The following PEX3 variants were observed in gnomAD, a reference collection of about 807,000 sequenced individuals.
PEX3 encodes the protein peroxisomal biogenesis factor 3, also known as peroxin-3.
A neutral mutation model predicts 55.8 loss-of-function variants in PEX3; 30 were observed. The ratio of observed to expected loss-of-function variants is 0.54; its 90% CI spans 0.40 to 0.73. The LOEUF is 0.73. Among genes scored for constraint, PEX3 ranks in the 30% least tolerant of loss-of-function variants. The pLI, the probability that PEX3 is intolerant of heterozygous loss-of-function variation, is 0.00. For synonymous variants in PEX3, 135 were observed against 148.4 expected (o/e 0.91, Z 0.66); for missense variants, 351 against 432.8 (o/e 0.81, Z 1.68).
Position 143,466,588 on chromosome 6 carries a change from T to C in PEX3, c.288-1534T>C, listed in dbSNP as rs553186622. 6.6e-6 allele frequency among the ~76,000 whole-genome samples: 1 copy of C among 152,140 alleles called. No individual in the cohort carries two copies. Among genetic ancestry groups the C allele is most frequent in the African/African-American group, 2.4e-5 (1 of 41,542 alleles). On this transcript the variant is annotated intron_variant, in intron 3 of 11. Coordinates refer to ENST00000367591, the MANE Select transcript of PEX3 (RefSeq NM_003630.3). The surrounding 1 kb of genome is among the most constrained non-coding windows in gnomAD (Gnocchi z 5.4). Reference sequence around the variant, plus strand: ...TATGTATAGGATAAAACATAGTATATGTAGGGGTTGGTACTATCTTCAGTT... The same window carrying C: ...TATGTATAGGATAAAACATAGTATACGTAGGGGTTGGTACTATCTTCAGTT...
At chr6:143,452,275 A>G (rs879788804) in intron 1 of PEX3, among the ~76,000 whole-genome samples, 1 of 152,190 alleles carries the variant, frequency 6.6e-6, no homozygotes, top group Non-Finnish European at 1.5e-5. Flanking sequence ...AGCATATGTA[A>G]ATTTTGAACA....
rs1780316266 is a variant in PEX3 at position 143,485,810 on chromosome 6, C to T, written c.1038+562C>T. 6.6e-6 allele frequency among the ~76,000 whole-genome samples: 1 copy of T among 152,080 alleles called. No homozygotes were observed. Among genetic ancestry groups the T allele is most frequent in the Non-Finnish European group, 1.5e-5 (1 of 67,988 alleles). ...TAATTCAGTAATTCATTGAGTAATT[C>T]AGTAATTCATTGAGTAAGACAAATA... is the stretch of plus-strand genomic sequence containing the variant. On this transcript the variant is annotated intron_variant, in intron 11 of 11. Coordinates refer to ENST00000367591, the MANE Select transcript of PEX3 (RefSeq NM_003630.3). The surrounding 1 kb of genome is among the most constrained non-coding windows in gnomAD (Gnocchi z 5.6).
At chr6:143,470,925 A>C (rs1780064833) in intron 4 of PEX3, 36 bp from the exon 5 acceptor site, 11 of 1,589,610 alleles carry the variant, frequency 6.9e-6, no homozygotes, top group Non-Finnish European at 9.5e-6. Context: ...ATTTGTATTA[A>C]TCACAGTACC....
chr6:143,456,916 G>A (rs897148862), intron 1 of PEX3, among the ~76,000 whole-genome samples: 1 of 152,096 alleles, frequency 6.6e-6, no homozygotes, highest in Non-Finnish European at 1.5e-5. Context: ...CTTCCCCTCA[G>A]ATATAGACCA....
Position 143,471,351 on chromosome 6 carries a change from G to A in PEX3, c.457-32G>A. 2.7e-6 allele frequency: 4 copies of A among 1,461,654 alleles called. No individual in the cohort carries two copies. The highest frequency in any genetic ancestry group is 3.8e-6 in the Non-Finnish European group (4 of 1,043,316). The allele number at this position is 1,461,654 out of a possible 1,614,324, so 90.5% of individuals were successfully genotyped here. On this transcript the variant is annotated intron_variant, in intron 5 of 11. Transcript: ENST00000367591. The surrounding 1 kb of genome is among the most constrained non-coding windows in gnomAD (Gnocchi z 5.4). Reference sequence around the variant, plus strand: ...TTTCTTATTTACCAGTTTAAAACTTGGATAATTGAACTGTATTTCTGTTTT... The same window carrying A: ...TTTCTTATTTACCAGTTTAAAACTTAGATAATTGAACTGTATTTCTGTTTT...
Position 143,482,754 on chromosome 6 carries a change from C to T in PEX3, c.942-2398C>T, listed in dbSNP as rs161060. ...GTGGGCAAAATATATGTTGGTAAGA[C>T]GAATAACAATTAGTCATTTTACAAT... On this transcript the variant is annotated intron_variant, in intron 10 of 11. Transcript: ENST00000367591. This position sits in a 1 kb window ranked among gnomAD's most constrained non-coding sequence, Gnocchi z 5.5. Among the ~76,000 whole-genome samples the T allele has an allele frequency of 0.17, 25,485 of 151,586 alleles. 2,504 individuals carry two copies. The highest frequency in any genetic ancestry group is 0.34 in the East Asian group (1,735 of 5,142).
At position 143,471,476 on chromosome 6, in the gene PEX3, A is replaced by G. The variant is rs565641022; in HGVS notation, c.523+27A>G. On this transcript the variant is annotated intron_variant, in intron 6 of 11. Coordinates refer to ENST00000367591, the MANE Select transcript of PEX3 (RefSeq NM_003630.3). This position sits in a 1 kb window ranked among gnomAD's most constrained non-coding sequence, Gnocchi z 5.4. The stretch of plus-strand genomic sequence containing the variant: ...TAAGATTCTTATTTGTGACTTTTAT[A>G]CTAATTTTAATTCATTTATTTTTAT... 1.3e-6 allele frequency: 2 copies of G among 1,564,620 alleles called. No individual in the cohort carries two copies. Among genetic ancestry groups the G allele is most frequent in the East Asian group, 2.2e-5 (1 of 44,554 alleles).
intron 1 of PEX3, among the ~76,000 whole-genome samples, chr6:143,455,887 A>C (rs1469937767): frequency 6.6e-6 from 1 of 152,222 alleles, no homozygotes; most frequent in South Asian, 2.1e-4. Flanking sequence ...ATTGGGAACA[A>C]TAGGTTATTT....
chr6:143,479,725 T>G lies in PEX3; in HGVS notation c.941+527T>G, dbSNP rs1780205799. On this transcript the variant is annotated intron_variant, in intron 10 of 11. Transcript: ENST00000367591. This position sits in a 1 kb window ranked among gnomAD's most constrained non-coding sequence, Gnocchi z 4.6. ...GTATTAGTGCAATTGTTAGTGATTT[T>G]AATCATAACTATTACTAAATCATGG... 6.6e-6 allele frequency among the ~76,000 whole-genome samples: 1 copy of G among 152,126 alleles called. No individual in the cohort carries two copies. Among genetic ancestry groups the G allele is most frequent in the Non-Finnish European group, 1.5e-5 (1 of 67,952 alleles).
chr6:143,461,652 A>G (rs1441799067), intron 2 of PEX3, among the ~76,000 whole-genome samples: 1 of 151,982 alleles, frequency 6.6e-6, no homozygotes, highest in Admixed American at 6.5e-5. Flanking sequence ...CCCTTTTAGA[A>G]TGTGGTGTTC....
chr6:143,475,707 T>C lies in PEX3; in HGVS notation c.818+851T>C, dbSNP rs1026452401. ...ATCAGTGTTTCCCAGGTATTTGTTCTTTCTTCATTGGCAACTGCCTCCCAG... is the reference window on the plus strand; with the variant it reads ...ATCAGTGTTTCCCAGGTATTTGTTCCTTCTTCATTGGCAACTGCCTCCCAG... On this transcript the variant is annotated intron_variant, in intron 9 of 11. Coordinates refer to ENST00000367591, the MANE Select transcript of PEX3 (RefSeq NM_003630.3). This position sits in a 1 kb window ranked among gnomAD's most constrained non-coding sequence, Gnocchi z 4.4. 6.6e-6 allele frequency among the ~76,000 whole-genome samples: 1 copy of C among 152,200 alleles called. No homozygotes were observed. The highest frequency in any genetic ancestry group is 1.5e-5 in the Non-Finnish European group (1 of 68,028).
At chr6:143,469,361 C>T (rs1489104901) in intron 4 of PEX3, among the ~76,000 whole-genome samples, 3 of 152,084 alleles carry the variant, frequency 2.0e-5, no homozygotes, top group East Asian at 1.9e-4. Flanking sequence ...TTTTAATGAT[C>T]GCCATTCTAA....
intron 8 of PEX3, among the ~76,000 whole-genome samples, chr6:143,473,606 A>G (rs765344273): frequency 6.6e-6 from 1 of 152,122 alleles, no homozygotes; most frequent in African/African-American, 2.4e-5. Flanking sequence ...TCTCTTACTG[A>G]TAAAAGAAAA....
At chr6:143,452,404 A>G (rs900369158) in intron 1 of PEX3, among the ~76,000 whole-genome samples, 2 of 152,226 alleles carry the variant, frequency 1.3e-5, no homozygotes, top group Non-Finnish European at 2.9e-5. Flanking sequence ...AAAGCTAAAA[A>G]TATATGTGTG....
chr6:143,484,983 A>G (rs1780294329), intron 10 of PEX3, 169 bp from the exon 11 acceptor site: 4 of 595,756 alleles, frequency 6.7e-6, no homozygotes, highest in Non-Finnish European at 1.2e-5. Flanking sequence ...ATTGGTCATG[A>G]TGTCAATTAG....
intron 10 of PEX3, among the ~76,000 whole-genome samples, chr6:143,480,951 G>C (rs952353707): frequency 1.6e-4 from 25 of 152,130 alleles, no homozygotes; most frequent in African/African-American, 5.6e-4. Context: ...AGTCAAGGCT[G>C]CAATGAGCTG....
In PEX3 at chr6:143,465,054, C is replaced by T. The variant is rs1779973825; in HGVS notation, c.287+2057C>T. The stretch of plus-strand genomic sequence containing the variant: ...GTTTCAATGGCAAAAACAAAAAAAT[C>T]TTAAACATCCTCCATCATAAGAGAA... On this transcript the variant is annotated intron_variant, in intron 3 of 11. Coordinates refer to ENST00000367591, the MANE Select transcript of PEX3 (RefSeq NM_003630.3). This position sits in a 1 kb window ranked among gnomAD's most constrained non-coding sequence, Gnocchi z 4.7. Among the ~76,000 whole-genome samples, 1 of 151,930 alleles carries T rather than the reference C, an allele frequency of 6.6e-6. No individual in the cohort carries two copies. Among genetic ancestry groups the T allele is most frequent in the African/African-American group, 2.4e-5 (1 of 41,404 alleles).
In PEX3 at chr6:143,470,190, C is replaced by T. The variant is rs140381453; in HGVS notation, c.332-771C>T. ...GTCTCAATCTCTTGACCTTGTGATC[C>T]GCCCGCCTCGGCCTCCCAAAGTGCT... On this transcript the variant is annotated intron_variant, in intron 4 of 11. Transcript: ENST00000367591. 1.3e-3 allele frequency among the ~76,000 whole-genome samples: 195 copies of T among 152,240 alleles called. 1 individual carries two copies. Among genetic ancestry groups the T allele is most frequent in the African/African-American group, 4.4e-3 (184 of 41,544 alleles).
At position 143,479,099 on chromosome 6, in the gene PEX3, A is replaced by G. The variant is rs1780192572; in HGVS notation, c.842A>G (p.Asn281Ser). The G allele has an allele frequency of 6.3e-7, 1 of 1,580,546 alleles. No individual in the cohort carries two copies. Reference protein sequence around the residue: ...LESPDFSTVLNTCLNRGFSRL... With the variant: ...LESPDFSTVLSTCLNRGFSRL... ...AGCCCAGATTTTAGTACAGTTTTGA[A>G]TACCTGTTTAAACCGAGGTTTTAGT... is the stretch of plus-strand genomic sequence containing the variant. The change falls in exon 10 of 12, where the codon AAT (asparagine) becomes AGT (serine). Residue 281 changes from asparagine (N) to serine (S), a missense_variant. Physicochemically the swap from Asn to Ser is conservative, Grantham distance 46. Transcript: ENST00000367591. The surrounding 1 kb of genome is among the most constrained non-coding windows in gnomAD (Gnocchi z 4.6).
Sources: gnomAD v4.1 joint callset for allele counts (sites outside exome capture counted in the v4.1 genomes callset) on GRCh38, gnomAD v4.1.1 for gene constraint, Gnocchi (gnomAD v3.1) non-coding constraint, MANE v1.5 for transcripts, NCBI Gene and HGNC (gene_info 2026-07-23, HGNC 2026-07-21) for gene names.